The following TBC1D16 variants were observed in gnomAD, a reference collection of about 807,000 sequenced individuals.
The protein encoded by TBC1D16 is TBC1 domain family member 16, also known as CTD-2529O21.1.
Under a neutral mutation model 74.7 loss-of-function variants are expected in TBC1D16, and 58 were observed. The ratio of observed to expected loss-of-function variants is 0.78; its 90% CI spans 0.63 to 0.97. The LOEUF (loss-of-function observed/expected upper bound fraction) is 0.97. Ranked by LOEUF, TBC1D16 falls within the 50% of genes least tolerant of loss-of-function variation. The pLI is 0.00. For synonymous variants in TBC1D16, 493 were observed against 474.7 expected (o/e 1.04, Z -0.50); for missense variants, 1,014 against 1,079.5 (o/e 0.94, Z 0.85).
intron 3 of TBC1D16, among the ~76,000 whole-genome samples, chr17:79,997,192 A>G (rs1205197694): frequency 6.6e-6 from 1 of 152,184 alleles, no homozygotes; most frequent in East Asian, 1.9e-4. Context: ...CCAGTGGCAC[A>G]GGATTCTAAA....
intron 1 of TBC1D16, among the ~76,000 whole-genome samples, chr17:80,024,692 C>T (rs1399810911): frequency 2.5e-4 from 1 of 4,024 alleles, no homozygotes; most frequent in East Asian, 3.3e-3. Flanking sequence ...GCCATAGACA[C>T]ACATGCCACA....
Position 79,952,688 on chromosome 17 carries a change from C to A in TBC1D16, c.910G>T (p.Gly304Cys). 6.2e-7 allele frequency: 1 copy of A among 1,606,390 alleles called. No homozygotes were observed. Among genetic ancestry groups the A allele is most frequent in the Non-Finnish European group, 8.5e-7 (1 of 1,174,472 alleles). ...AAAAGGCGGAGGGAGCGCATGTGGC[C>A]CAGGTCCACGCGGAACACGCCGCAA... Reference protein sequence around the residue: ...QICGVFRVDLGHMRSLRLFFS... With the variant: ...QICGVFRVDLCHMRSLRLFFS... The change falls in exon 4 of 12, where the codon GGC becomes TGC. Residue 304 changes from glycine (G) to cysteine (C), a missense_variant. Coordinates refer to ENST00000310924, the MANE Select transcript of TBC1D16 (RefSeq NM_019020.4).
intron 8 of TBC1D16, 108 bp downstream of exon 8, chr17:79,948,764 G>A: frequency 7.0e-7 from 1 of 1,421,524 alleles, no homozygotes; most frequent in South Asian, 1.2e-5. Context: ...TATGAACCTG[G>A]AAGAGAGCCC....
intron 3 of TBC1D16, among the ~76,000 whole-genome samples, chr17:79,970,693 G>A (rs765165433): frequency 6.6e-5 from 10 of 152,190 alleles, no homozygotes; most frequent in Non-Finnish European, 1.3e-4. Flanking sequence ...AGGTGGAGGG[G>A]CTGGGCACGG....
In TBC1D16 at chr17:79,938,704, A is replaced by G. The variant is rs921793760; in HGVS notation, c.*2155T>C. ...TGCCACCCGACTGTGCAGAGCGGACAATAAAGTGGCAGGCCTGTCCCCCAC... is the reference window on the plus strand; with the variant it reads ...TGCCACCCGACTGTGCAGAGCGGACGATAAAGTGGCAGGCCTGTCCCCCAC... On this transcript the variant is annotated 3_prime_UTR_variant, in exon 12 of 12. Coordinates refer to ENST00000310924, the MANE Select transcript of TBC1D16 (RefSeq NM_019020.4). 3.3e-5 allele frequency: 5 copies of G among 152,402 alleles called. No homozygotes were observed. Among genetic ancestry groups the G allele is most frequent in the Admixed American group, 1.3e-4 (2 of 15,310 alleles). The allele number at this position is 152,402 out of a possible 1,614,324, so 9.4% of individuals were successfully genotyped here. A position where few individuals can be genotyped will look rare whatever the true frequency, so the allele number is the denominator to read the frequency against.
At chr17:80,016,071 T>C (rs539841316) in intron 1 of TBC1D16, among the ~76,000 whole-genome samples, 6 of 147,052 alleles carry the variant, frequency 4.1e-5, no homozygotes, top group Non-Finnish European at 7.5e-5. Flanking sequence ...TGTAGTATAA[T>C]GGAATATTAT....
intron 3 of TBC1D16, among the ~76,000 whole-genome samples, chr17:79,973,639 G>A (rs2034207709): frequency 6.6e-6 from 1 of 151,754 alleles, no homozygotes; most frequent in African/African-American, 2.4e-5. Flanking sequence ...GAACCCCAGA[G>A]GCGGAGCTTG....
intron 3 of TBC1D16, chr17:79,992,236 CGCT>C (rs1192356036): frequency 6.6e-6 from 1 of 152,448 alleles, no homozygotes; most frequent in African/African-American, 2.4e-5. Context: ...CCCCACACTC[CGCT>C]GCTGTTCTTG....
intron 3 of TBC1D16, among the ~76,000 whole-genome samples, chr17:79,960,801 A>AAAAAAAAAAC (rs2033570654): frequency 1.3e-5 from 2 of 149,050 alleles, no homozygotes; most frequent in Non-Finnish European, 3.0e-5. Flanking sequence ...AAAAAAAAAA[A>AAAAAAAAAAC]AAAAAAAACG....
Position 79,960,809 on chromosome 17 carries a change from A to C in TBC1D16, c.780-7991T>G, listed in dbSNP as rs930838729. ...AAAAAAAAAAAAAAAAAAAAAAAAA[A>C]CGAAGGAATGAAACTGACACTGTGA... On this transcript the variant is annotated intron_variant, in intron 3 of 11. Transcript: ENST00000310924. 1.2e-3 allele frequency among the ~76,000 whole-genome samples: 164 copies of C among 136,232 alleles called. 2 individuals are homozygous for C. Among genetic ancestry groups the C allele is most frequent in the Non-Finnish European group, 1.8e-3 (116 of 63,340 alleles). 89.4% of individuals were successfully genotyped at this position (136,232 alleles called of 152,430 possible).
intron 3 of TBC1D16, among the ~76,000 whole-genome samples, chr17:79,989,314 C>T (rs1304228460): frequency 6.6e-6 from 1 of 152,246 alleles, no homozygotes; most frequent in Admixed American, 6.5e-5. Context: ...TATCACTGGA[C>T]GCATCAAAGC....
At chr17:79,960,819 G>GAAAAAAAAAA (rs2033582366) in intron 3 of TBC1D16, among the ~76,000 whole-genome samples, 3 of 74,370 alleles carry the variant, frequency 4.0e-5, no homozygotes, top group Admixed American at 1.5e-4. Flanking sequence ...ACGAAGGAAT[G>GAAAAAAAAAA]AAACTGACAC....
rs923218021 is a variant in TBC1D16 at position 79,956,938 on chromosome 17, G to A, written c.780-4120C>T. On this transcript the variant is annotated intron_variant, in intron 3 of 11. Transcript: ENST00000310924. This position sits in a 1 kb window ranked among gnomAD's most constrained non-coding sequence, Gnocchi z 4.0. ...GCCTGGAGGCACGTTGCTGGGGGAG[G>A]TGTGCGGTGGCTCCTGGGTCCAGGA... Among the ~76,000 whole-genome samples, 1 of 152,222 alleles carries A rather than the reference G, an allele frequency of 6.6e-6. No individual in the cohort carries two copies. The highest frequency in any genetic ancestry group is 1.5e-5 in the Non-Finnish European group (1 of 68,036).
intron 3 of TBC1D16, among the ~76,000 whole-genome samples, chr17:79,966,988 T>C (rs1047799760): frequency 1.3e-5 from 2 of 152,078 alleles, no homozygotes; most frequent in Non-Finnish European, 2.9e-5. Flanking sequence ...AGAAAAACAT[T>C]TGACAAATCC....
In TBC1D16 at chr17:79,971,184, G is replaced by A. The variant is rs575564242; in HGVS notation, c.780-18366C>T. Reference sequence around the variant, plus strand: ...ATTACAGGCGTGCACCACCAAGCCCGGCTAATTTGTGTATTTTTAGTAGAG... The same window carrying A: ...ATTACAGGCGTGCACCACCAAGCCCAGCTAATTTGTGTATTTTTAGTAGAG... On this transcript the variant is annotated intron_variant, in intron 3 of 11. Transcript: ENST00000310924. This position sits in a 1 kb window ranked among gnomAD's most constrained non-coding sequence, Gnocchi z 4.6. Among the ~76,000 whole-genome samples the A allele has an allele frequency of 3.0e-4, 46 of 152,004 alleles. No homozygotes were observed. The highest frequency in any genetic ancestry group is 5.4e-4 in the Non-Finnish European group (37 of 67,976).
intron 3 of TBC1D16, among the ~76,000 whole-genome samples, chr17:79,998,994 G>A (rs1271048348): frequency 1.7e-4 from 26 of 152,138 alleles, no homozygotes; most frequent in Non-Finnish European, 2.9e-4. Flanking sequence ...GGTGGCTCAC[G>A]CCTGTAACCC....
At chr17:80,002,154 T>C (rs1285032611) in intron 3 of TBC1D16, among the ~76,000 whole-genome samples, 3 of 152,130 alleles carry the variant, frequency 2.0e-5, no homozygotes, top group Admixed American at 2.0e-4. Flanking sequence ...CAAGGATGCT[T>C]CCCAGCACTG....
Position 79,932,846 on chromosome 17 carries a change from C to G in TBC1D16, c.*8013G>C, listed in dbSNP as rs1002845278. 6.6e-6 allele frequency: 1 copy of G among 151,696 alleles called. No homozygotes were observed. Among genetic ancestry groups the G allele is most frequent in the Non-Finnish European group, 1.5e-5 (1 of 67,640 alleles). The allele number at this position is 151,696 out of a possible 1,614,324, so 9.4% of individuals were successfully genotyped here. On this transcript the variant is annotated 3_prime_UTR_variant, in exon 12 of 12. Coordinates refer to ENST00000310924, the MANE Select transcript of TBC1D16 (RefSeq NM_019020.4). The stretch of plus-strand genomic sequence containing the variant: ...TTTGCACCATCCTAATTTCAACATC[C>G]AGATGTCAATTCAGAAAATTATTAT...
rs1038921541 is a variant in TBC1D16, at chr17:79,936,867, C to T, written c.*3992G>A. The T allele has an allele frequency of 8.4e-6, 1 of 119,614 alleles. No individual in the cohort carries two copies. Among genetic ancestry groups the T allele is most frequent in the African/African-American group, 2.8e-5 (1 of 36,348 alleles). 7.4% of individuals were successfully genotyped at this position (119,614 alleles called of 1,614,324 possible). A position where few individuals can be genotyped will look rare whatever the true frequency, so the allele number is the denominator to read the frequency against. ...CACTGACTTAGGCTGCACCCCTGCA[C>T]ATATGTGTGTGTGTGTGTGCATGCG... On this transcript the variant is annotated 3_prime_UTR_variant, in exon 12 of 12. Coordinates refer to ENST00000310924, the MANE Select transcript of TBC1D16 (RefSeq NM_019020.4).
Sources: gnomAD v4.1 joint callset for allele counts (sites outside exome capture counted in the v4.1 genomes callset) on GRCh38, gnomAD v4.1.1 for gene constraint, Gnocchi (gnomAD v3.1) non-coding constraint, MANE v1.5 for transcripts, NCBI Gene and HGNC (gene_info 2026-07-23, HGNC 2026-07-21) for gene names.